The following ZNF665 variants were observed in gnomAD, a reference collection of about 807,000 sequenced individuals.
The protein encoded by ZNF665 is zinc finger protein 665.
Under a neutral mutation model 7.9 loss-of-function variants are expected in ZNF665, and 6 were observed. The ratio of observed to expected loss-of-function variants is 0.76; its 90% CI spans 0.42 to 1.50. The LOEUF (loss-of-function observed/expected upper bound fraction) is 1.50. Among genes scored for constraint, ZNF665 ranks in the 40% most tolerant of loss-of-function variants. ZNF665 has a pLI of 0.01. For missense variants in ZNF665, 819 were observed against 806.7 expected (o/e 1.02, Z -0.18); for synonymous variants, 242 against 274.5 (o/e 0.88, Z 1.17).
At chr19:53,189,849 C>T (rs570955774) in intron 1 of ZNF665, among the ~76,000 whole-genome samples, 13 of 152,022 alleles carry the variant, frequency 8.6e-5, no homozygotes, top group Non-Finnish European at 1.3e-4. Flanking sequence ...CCCTAGACCA[C>T]GGTCCGCCTG....
intron 3 of ZNF665, among the ~76,000 whole-genome samples, chr19:53,168,307 A>G (rs1426210271): frequency 6.6e-6 from 1 of 152,148 alleles, no homozygotes; most frequent in Non-Finnish European, 1.5e-5. Context: ...ATTTCTATAT[A>G]CTAGCAATGA....
In ZNF665 at chr19:53,164,883, T is replaced by C; in HGVS notation, c.1607A>G (p.His536Arg). 1.2e-6 allele frequency: 2 copies of C among 1,614,190 alleles called. No homozygotes were observed. Among genetic ancestry groups the C allele is most frequent in the South Asian group, 1.1e-5 (1 of 91,078 alleles). Residue 536 changes from histidine to arginine, a missense_variant, in exon 4 of 4, where the codon CAT becomes CGT. Coordinates refer to ENST00000396424, the MANE Select transcript of ZNF665 (RefSeq NM_024733.5). ...ACATTTGTATGGTTTTTGTCCAGTATGTATTGTCTGATGTATAGTTAGGCT... is the reference window on the plus strand; with the variant it reads ...ACATTTGTATGGTTTTTGTCCAGTACGTATTGTCTGATGTATAGTTAGGCT... ...HSSLTIHQTI[H>R]TGQKPYKCND...
chr19:53,167,427 A>C (rs1016189263), intron 3 of ZNF665, among the ~76,000 whole-genome samples: 2 of 151,668 alleles, frequency 1.3e-5, no homozygotes, highest in African/African-American at 4.8e-5. Flanking sequence ...GTTTACAGGA[A>C]GTTATAGTCT....
Position 53,166,299 on chromosome 19 carries a change from T to G in ZNF665, c.191A>C (p.Asn64Thr), listed in dbSNP as rs764720509. 10 of 1,600,804 alleles carry G rather than the reference T, an allele frequency of 6.2e-6. No homozygotes were observed. Among genetic ancestry groups the G allele is most frequent in the Middle Eastern group, 1.7e-4 (1 of 6,024 alleles). Reference sequence around the variant, plus strand: ...CGTGTAGAACGCTTCTCCCATATTGTTCTTCCCCTTTGGTGGCAAATCCGT... The same window carrying G: ...CGTGTAGAACGCTTCTCCCATATTGGTCTTCCCCTTTGGTGGCAAATCCGT... ...VNTDLPPKGK[N>T]NMGEAFYTVK... Residue 64 changes from asparagine to threonine, a missense_variant, in exon 4 of 4, where the codon AAC (asparagine) becomes ACC (threonine). Asn to Thr is a moderately conservative substitution (Grantham distance 65, BLOSUM62 0). Coordinates refer to ENST00000396424, the MANE Select transcript of ZNF665 (RefSeq NM_024733.5).
In ZNF665 at chr19:53,169,508, T is replaced by A. The variant is rs77848856; in HGVS notation, c.143-3161A>T. On this transcript the variant is annotated intron_variant, in intron 3 of 3. Transcript: ENST00000396424. ...ATAGGTTGGATGGCTTTAAAAAAAA[T>A]TTTTTTAATGGAAATATTTCTTTTT... Among the ~76,000 whole-genome samples, 792 of 152,174 alleles carry A rather than the reference T, an allele frequency of 5.2e-3. 6 individuals carry two copies. Among genetic ancestry groups the A allele is most frequent in the African/African-American group, 0.018 (731 of 41,530 alleles).
chr19:53,167,867 T>A (rs1467715649), intron 3 of ZNF665, among the ~76,000 whole-genome samples: 19 of 147,364 alleles, frequency 1.3e-4, no homozygotes, highest in Non-Finnish European at 1.9e-4. Flanking sequence ...CCATCCTGGC[T>A]AACACGATGA....
At chr19:53,182,653 G>T in intron 2 of ZNF665, 1 of 886,982 alleles carries the variant, frequency 1.1e-6, no homozygotes, top group Non-Finnish European at 1.8e-6. Context: ...TCCATGTCGG[G>T]GTGTGAGCCC....
chr19:53,182,419 C>A, intron 2 of ZNF665: 1 of 439,408 alleles, frequency 2.3e-6, no homozygotes, highest in Non-Finnish European at 4.1e-6. Flanking sequence ...CACAGTGACT[C>A]ACTTGTTCGG....
intron 3 of ZNF665, among the ~76,000 whole-genome samples, chr19:53,170,475 C>A (rs552421660): frequency 2.0e-4 from 31 of 152,306 alleles, no homozygotes; most frequent in African/African-American, 7.2e-4. Context: ...CCTCTTGTAA[C>A]CAACGTTCTT....
At chr19:53,174,576 T>A (rs1020540038) in intron 3 of ZNF665, among the ~76,000 whole-genome samples, 1 of 152,148 alleles carries the variant, frequency 6.6e-6, no homozygotes, top group African/African-American at 2.4e-5. Flanking sequence ...GTTCTCCACA[T>A]TCCAGGGCTC....
At position 53,165,386 on chromosome 19, in the gene ZNF665, A is replaced by G. The variant is rs1460306853; in HGVS notation, c.1104T>C (p.His368=). 6.2e-7 allele frequency: 1 copy of G among 1,614,172 alleles called. No homozygotes were observed. Among genetic ancestry groups the G allele is most frequent in the Non-Finnish European group, 8.5e-7 (1 of 1,180,018 alleles). Residue 368 remains histidine, a synonymous_variant, in exon 4 of 4, where the codon CAT becomes CAC. Coordinates refer to ENST00000396424, the MANE Select transcript of ZNF665 (RefSeq NM_024733.5). ...NSYLAKHRRI[H]TGEKPYKCNE... ...TACACTTGTAAGGTTTCTCACCAGT[A>G]TGAATTCGCCGATGCTTTGCAAGGT...
chr19:53,179,145 G>A (rs567489985), intron 2 of ZNF665, among the ~76,000 whole-genome samples: 1 of 152,096 alleles, frequency 6.6e-6, no homozygotes, highest in South Asian at 2.1e-4. Flanking sequence ...AGGCCGAGGC[G>A]GGTGGATCAC....
At chr19:53,169,802 C>T (rs2090643944) in intron 3 of ZNF665, among the ~76,000 whole-genome samples, 1 of 147,444 alleles carries the variant, frequency 6.8e-6, no homozygotes, top group African/African-American at 2.5e-5. Context: ...TTTGTTCTTG[C>T]AATAGTTTAC....
chr19:53,174,782 T>C (rs979659850), intron 3 of ZNF665, among the ~76,000 whole-genome samples: 1 of 151,444 alleles, frequency 6.6e-6, no homozygotes, highest in African/African-American at 2.4e-5. Context: ...CTATTAAAAA[T>C]ACAAAAATTA....
At chr19:53,189,292 G>A (rs1326312843) in intron 1 of ZNF665, among the ~76,000 whole-genome samples, 1 of 151,952 alleles carries the variant, frequency 6.6e-6, no homozygotes, top group Non-Finnish European at 1.5e-5. Flanking sequence ...ACAAGACAAA[G>A]AGATAAAAGA....
At chr19:53,168,945 A>G (rs1003809201) in intron 3 of ZNF665, among the ~76,000 whole-genome samples, 1 of 152,168 alleles carries the variant, frequency 6.6e-6, no homozygotes, top group Non-Finnish European at 1.5e-5. Flanking sequence ...AATATACTCA[A>G]ATAGATCAGA....
Position 53,166,263 on chromosome 19 carries a change from T to C in ZNF665, c.227A>G (p.Glu76Gly), listed in dbSNP as rs771188741. 9 of 1,613,884 alleles carry C rather than the reference T, an allele frequency of 5.6e-6. No homozygotes were observed. Among genetic ancestry groups the C allele is most frequent in the Non-Finnish European group, 7.6e-6 (9 of 1,179,858 alleles). The part of the protein sequence containing the change: ...MGEAFYTVKL[E>G]RLESCDTVGL... ...TACAGTGTCACAGCTTTCAAGTCTCTCCAACTTCACCGTGTAGAACGCTTC... is the reference window on the plus strand; with the variant it reads ...TACAGTGTCACAGCTTTCAAGTCTCCCCAACTTCACCGTGTAGAACGCTTC... The change falls in exon 4 of 4, where the codon GAG becomes GGG. Residue 76 changes from glutamate to glycine, a missense_variant. Coordinates refer to ENST00000396424, the MANE Select transcript of ZNF665 (RefSeq NM_024733.5).
At position 53,166,100 on chromosome 19, in the gene ZNF665, C is replaced by G. The variant is rs559233210; in HGVS notation, c.390G>C (p.Arg130Ser). 30 of 1,613,846 alleles carry G rather than the reference C, an allele frequency of 1.9e-5. No individual in the cohort carries two copies. The East Asian group carries it at 6.0e-4, about 32-fold the overall frequency. ...LPGRRAQRDR[R>S]AAGNRHIENQ... ...TTTCAATATGCCTGTTTCCTGCAGC[C>G]CTTCTATCACGTTGAGCTCTTCTAC... The change falls in exon 4 of 4, where the codon AGG (arginine) becomes AGC (serine). Residue 130 changes from arginine to serine, a missense_variant. Physicochemically the swap from Arg to Ser is moderately radical, Grantham distance 110 (BLOSUM62 -1). Coordinates refer to ENST00000396424, the MANE Select transcript of ZNF665 (RefSeq NM_024733.5).
chr19:53,165,844 T>TA lies in ZNF665; in HGVS notation c.645dup (p.Thr216TyrfsTer22), dbSNP rs747746203. On this transcript the variant is annotated frameshift_variant, in exon 4 of 4. Coordinates refer to ENST00000396424, the MANE Select transcript of ZNF665 (RefSeq NM_024733.5). LOFTEE classifies it low-confidence loss of function (END_TRUNC). ...TGGATTGTTAGGTTTGAACGAACAG[T>TA]AAAGGCTTTGCCACACTTATTACAC... 14 of 1,614,178 alleles carry TA rather than the reference T, an allele frequency of 8.7e-6. No homozygotes were observed. Among genetic ancestry groups the TA allele is most frequent in the Non-Finnish European group, 1.2e-5 (14 of 1,180,032 alleles).
Sources: gnomAD v4.1 joint callset for allele counts (sites outside exome capture counted in the v4.1 genomes callset) on GRCh38, gnomAD v4.1.1 for gene constraint, MANE v1.5 for transcripts, NCBI Gene and HGNC (gene_info 2026-07-23, HGNC 2026-07-21) for gene names.